Variants in SORBS2 observed in about 807,000 individuals in gnomAD.
SORBS2 encodes sorbin and SH3 domain-containing protein 2.
In SORBS2, 46 loss-of-function variants were observed where a neutral mutation model predicts 97.7. The observed-to-expected ratio is 0.47, with a 90% CI of 0.37 to 0.60. The LOEUF is 0.60. SORBS2 is among the 20% of genes least tolerant of loss of function. SORBS2 has a pLI of 0.00. For missense variants in SORBS2, 1,316 were observed against 1,282.3 expected (o/e 1.03, Z -0.40); for synonymous variants, 476 against 473.4 (o/e 1.01, Z -0.07).
chr4:185,854,673 C>T lies in SORBS2; in HGVS notation c.-337-79307G>A, dbSNP rs144016099. ...CTGCATTTGAAGTTAAGAGATTCTA[C>T]TCTCAAAGTGTTTCTCTTAATGGGA... On this transcript the variant is annotated intron_variant, in intron 1 of 20. Transcript: ENST00000284776. Among the ~76,000 whole-genome samples the T allele has an allele frequency of 3.3e-5, 5 of 152,226 alleles. 1 individual carries two copies. The East Asian group carries it at 9.7e-4, about 29-fold the overall frequency.
At chr4:185,596,062 AAT>A (rs1392000237) in intron 12 of SORBS2, among the ~76,000 whole-genome samples, 1 of 152,226 alleles carries the variant, frequency 6.6e-6, no homozygotes, top group Admixed American at 6.5e-5. Context: ...TAAAGTTATG[AAT>A]AAGAAAATAT....
chr4:185,762,175 T>C (rs190905055), intron 2 of SORBS2, among the ~76,000 whole-genome samples: 1 of 152,286 alleles, frequency 6.6e-6, no homozygotes, highest in East Asian at 1.9e-4. Context: ...TAAGTTGGTA[T>C]GAAGAAAAAT....
chr4:185,858,706 T>C (rs1042483095), intron 1 of SORBS2, among the ~76,000 whole-genome samples: 1 of 152,236 alleles, frequency 6.6e-6, no homozygotes, highest in Non-Finnish European at 1.5e-5. Flanking sequence ...CAAAATCTAC[T>C]TTTAAACATA....
chr4:185,910,509 G>T (rs1019692229), intron 1 of SORBS2, among the ~76,000 whole-genome samples: 1 of 152,162 alleles, frequency 6.6e-6, no homozygotes, highest in Non-Finnish European at 1.5e-5. Context: ...AGAGCTTGAA[G>T]ATCATGGCTT....
intron 1 of SORBS2, among the ~76,000 whole-genome samples, chr4:185,884,740 G>T (rs1351258621): frequency 1.3e-5 from 2 of 152,174 alleles, no homozygotes; most frequent in African/African-American, 4.8e-5. Flanking sequence ...ACTCCTAAGA[G>T]GTTTCCAACA....
intron 1 of SORBS2, among the ~76,000 whole-genome samples, chr4:185,801,384 G>T (rs2099129658): frequency 6.6e-6 from 1 of 152,128 alleles, no homozygotes; most frequent in Admixed American, 6.6e-5. Flanking sequence ...AATTTTTGAG[G>T]AAACTCTGCA....
In SORBS2 at chr4:185,606,235, G is replaced by A; in HGVS notation, c.2796+5545C>T. 1.0e-6 allele frequency: 1 copy of A among 985,360 alleles called. No individual in the cohort carries two copies. Among genetic ancestry groups the A allele is most frequent in the African/African-American group, 1.7e-5 (1 of 57,346 alleles). The allele number at this position is 985,360 out of a possible 1,614,324, so 61.0% of individuals were successfully genotyped here. On this transcript the variant is annotated intron_variant, in intron 12 of 14. Transcript: ENST00000418609. The surrounding 1 kb of genome is among the most constrained non-coding windows in gnomAD (Gnocchi z 4.3). ...ACCTCACTGGGTTTTGACGATTAAA[G>A]ATGTGGAGTTTTTAGAATAGTGTCT...
chr4:185,783,645 AC>A (rs1374385713), intron 1 of SORBS2, among the ~76,000 whole-genome samples: 3 of 152,094 alleles, frequency 2.0e-5, no homozygotes, highest in Non-Finnish European at 2.9e-5. Flanking sequence ...CTTTGTTCAG[AC>A]CCTCGGGGTA....
rs2097917861 is a variant in SORBS2 at position 185,684,441 on chromosome 4, C to T, written c.-197-5619G>A. On this transcript the variant is annotated intron_variant, in intron 2 of 20. Transcript: ENST00000284776. This position sits in a 1 kb window ranked among gnomAD's most constrained non-coding sequence, Gnocchi z 4.2. ...ATGAAGATTCAGTTTCCTACAAATC[C>T]CTTTTTTCATCCTGTACCCCTGTAC... 6.6e-6 allele frequency among the ~76,000 whole-genome samples: 1 copy of T among 151,890 alleles called. No homozygotes were observed. The highest frequency in any genetic ancestry group is 2.1e-4 in the South Asian group (1 of 4,816).
At chr4:185,915,977 G>A (rs2099257936) in intron 1 of SORBS2, among the ~76,000 whole-genome samples, 1 of 152,192 alleles carries the variant, frequency 6.6e-6, no homozygotes. Context: ...CATAAGCAAA[G>A]GGCCCGTGGT....
At chr4:185,925,266 C>T (rs879833200) in intron 1 of SORBS2, among the ~76,000 whole-genome samples, 2 of 152,126 alleles carry the variant, frequency 1.3e-5, no homozygotes, top group East Asian at 1.9e-4. Flanking sequence ...TGCCACTGGT[C>T]CTTAAATATG....
chr4:185,731,679 C>A (rs1308148147), intron 2 of SORBS2, among the ~76,000 whole-genome samples: 1 of 93,626 alleles, frequency 1.1e-5, no homozygotes, highest in Admixed American at 1.1e-4. Context: ...TCCCTCCCTC[C>A]CTGCCTCTCT....
chr4:185,769,516 G>T (rs971576169), intron 2 of SORBS2, among the ~76,000 whole-genome samples: 2 of 152,144 alleles, frequency 1.3e-5, no homozygotes, highest in Admixed American at 1.3e-4. Context: ...TTTTGAAAGA[G>T]TCTTGCTCTT....
chr4:185,649,574 G>A (rs750474358), exon 3 of SORBS2: 24 of 1,604,804 alleles, frequency 1.5e-5, no homozygotes, highest in East Asian at 4.6e-5. Context: ...GGCTGTTGTC[G>A]GAGTGGCTTT....
intron 1 of SORBS2, among the ~76,000 whole-genome samples, chr4:185,853,588 GC>G (rs977023963): frequency 1.3e-5 from 2 of 152,176 alleles, no homozygotes; most frequent in African/African-American, 4.8e-5. Context: ...GGAGAAATAT[GC>G]AAACTTATTT....
chr4:185,624,036 G>C, exon 7 of SORBS2: 1 of 1,614,156 alleles, frequency 6.2e-7, no homozygotes, highest in Non-Finnish European at 8.5e-7. Context: ...AGGTCCTTGC[G>C]GTTGATGCGG....
chr4:185,622,399 C>A (rs1370536680), intron 7 of SORBS2, among the ~76,000 whole-genome samples: 2 of 152,184 alleles, frequency 1.3e-5, no homozygotes, highest in African/African-American at 4.8e-5. Context: ...AGCTATTAAA[C>A]AAACCCTAAT....
At chr4:185,882,042 G>T (rs2099237165) in intron 1 of SORBS2, among the ~76,000 whole-genome samples, 1 of 151,686 alleles carries the variant, frequency 6.6e-6, no homozygotes. Context: ...TTCTTTATTT[G>T]GTTTCTTTAA....
chr4:185,705,828 G>A (rs1215084117), intron 2 of SORBS2, among the ~76,000 whole-genome samples: 1 of 152,106 alleles, frequency 6.6e-6, no homozygotes, highest in Non-Finnish European at 1.5e-5. Flanking sequence ...TCCACCCCTT[G>A]GCTCTTCTAG....
Sources: gnomAD v4.1 joint callset for allele counts (sites outside exome capture counted in the v4.1 genomes callset) on GRCh38, gnomAD v4.1.1 for gene constraint, Gnocchi (gnomAD v3.1) non-coding constraint, MANE v1.5 for transcripts, NCBI Gene and HGNC (gene_info 2026-07-23, HGNC 2026-07-21) for gene names.